The following FAAH2 variants were observed in gnomAD, a reference collection of about 807,000 sequenced individuals.
FAAH2 encodes the protein fatty-acid amide hydrolase 2.
Under a neutral mutation model 36.9 loss-of-function variants are expected in FAAH2, and 60 were observed. The ratio of observed to expected loss-of-function variants is 1.63; its 90% CI spans 1.32 to 2.02. The LOEUF is 2.02. Ranked by LOEUF, FAAH2 falls within the 30% of genes most tolerant of loss-of-function variation. The probability of loss-of-function intolerance (pLI) is 0.00; values close to 1 mark genes in which losing one functional copy is unlikely to be tolerated. For synonymous variants in FAAH2, 214 were observed against 143.8 expected (o/e 1.49, Z -3.49); for missense variants, 689 against 397.5 (o/e 1.73, Z -6.23).
intron 8 of FAAH2, among the ~76,000 whole-genome samples, chrX:57,445,994 C>T (rs1244297062): frequency 8.9e-6 from 1 of 112,576 alleles, no homozygotes; most frequent in African/African-American, 3.2e-5. Context: ...ACTGGAGTTC[C>T]TCCCACTGGA....
the FAAH2 span, among the ~76,000 whole-genome samples, chrX:57,188,968 C>A: frequency 2.7e-5 from 3 of 111,491 alleles, no homozygotes; most frequent in Non-Finnish European, 5.7e-5. Context: ...TGGATAATAT[C>A]CTGAAGTGTG....
rs764376648 is a variant in FAAH2, at chrX:57,393,902, A to G, written c.996+12873A>G. 1.1e-5 allele frequency: 12 copies of G among 1,045,949 alleles called. No individual in the cohort carries two copies. In the South Asian group the frequency reaches 1.9e-4, roughly 16 times the overall value. The allele number at this position is 1,045,949 out of a possible 1,213,427, so 86.2% of individuals were successfully genotyped here. A position where few individuals can be genotyped will look rare whatever the true frequency, so the allele number is the denominator to read the frequency against. ...AATGTCCAATCTTGCAAATCTGTTT[A>G]TCTCTTCATCTGTCAGTGTGGTAGA... On this transcript the variant is annotated intron_variant, in intron 7 of 10. Coordinates refer to ENST00000374900, the MANE Select transcript of FAAH2 (RefSeq NM_174912.4).
At chrX:57,150,795 C>A in the FAAH2 span, among the ~76,000 whole-genome samples, 1 of 111,619 alleles carries the variant, frequency 9.0e-6, no homozygotes, top group Admixed American at 9.5e-5. Flanking sequence ...GAATTTGATT[C>A]TGTCTTTATG....
chrX:57,330,274 G>T (rs906107788), intron 3 of FAAH2, among the ~76,000 whole-genome samples: 1 of 111,650 alleles, frequency 9.0e-6, no homozygotes, highest in Non-Finnish European at 1.9e-5. Flanking sequence ...TGCGCCCCAA[G>T]GGTGGGTCTC....
At chrX:57,480,757 G>C (rs1282278959) in intron 10 of FAAH2, among the ~76,000 whole-genome samples, 3 of 110,918 alleles carry the variant, frequency 2.7e-5, no homozygotes, top group Non-Finnish European at 5.7e-5. Flanking sequence ...GGTGTTTTCT[G>C]TATTTCCTGA....
chrX:57,185,352 C>T, the FAAH2 span, among the ~76,000 whole-genome samples: 8 of 111,045 alleles, frequency 7.2e-5, no homozygotes, highest in Non-Finnish European at 1.5e-4. Context: ...TCTTTCTGTG[C>T]CTGGTTTACT....
intron 7 of FAAH2, among the ~76,000 whole-genome samples, chrX:57,391,601 TA>T (rs2055167672): frequency 9.0e-6 from 1 of 111,024 alleles, no homozygotes; most frequent in Admixed American, 9.6e-5. Context: ...CTTCACTGTT[TA>T]TTTTTGTCAA....
chrX:57,300,065 T>C (rs1456301158), intron 2 of FAAH2, among the ~76,000 whole-genome samples: 3 of 111,637 alleles, frequency 2.7e-5, no homozygotes, highest in Admixed American at 9.5e-5. Context: ...CCATCCCCAT[T>C]AAGCTACAAA....
At chrX:57,445,637 T>G (rs965857517) in intron 8 of FAAH2, among the ~76,000 whole-genome samples, 1 of 111,779 alleles carries the variant, frequency 8.9e-6, no homozygotes, top group African/African-American at 3.2e-5. Flanking sequence ...CTAAGGCCTG[T>G]TATTGGGGAC....
intron 10 of FAAH2, among the ~76,000 whole-genome samples, chrX:57,451,924 T>G (rs1457968463): frequency 8.9e-6 from 1 of 112,899 alleles, no homozygotes; most frequent in African/African-American, 3.2e-5. Context: ...CCTATGCTAT[T>G]TCCTGATAAC....
chrX:57,169,699 A>T, the FAAH2 span, among the ~76,000 whole-genome samples: 3 of 101,182 alleles, frequency 3.0e-5, no homozygotes, highest in Non-Finnish European at 6.1e-5. Context: ...TGAGGTTCCC[A>T]GAAGAGGAAG....
chrX:57,466,154 C>A (rs61176271), intron 10 of FAAH2, among the ~76,000 whole-genome samples: 22,079 of 66,001 alleles, frequency 0.33, 3,184 homozygotes, highest in Non-Finnish European at 0.4. Flanking sequence ...CTCTCTCTCT[C>A]TCTATATATA....
intron 10 of FAAH2, among the ~76,000 whole-genome samples, chrX:57,462,158 T>C (rs1353572965): frequency 3.2e-5 from 1 of 30,783 alleles, no homozygotes; most frequent in Non-Finnish European, 5.5e-5. Context: ...CAGTAATTAA[T>C]AGCCTACAAA....
rs1185184939 is a variant in FAAH2, at chrX:57,489,168, AG to A, written c.*237del. The stretch of plus-strand genomic sequence containing the variant: ...GAAAATTAGGACATGTAAATGGATA[AG>A]TGCAATAAAGTTTCCTAAATGCTGG... On this transcript the variant is annotated 3_prime_UTR_variant, in exon 11 of 11. Transcript: ENST00000374900. 3.0e-6 allele frequency: 1 copy of A among 329,274 alleles called. No homozygotes were observed. Among genetic ancestry groups the A allele is most frequent in the Non-Finnish European group, 5.1e-6 (1 of 194,884 alleles). The allele number at this position is 329,274 out of a possible 1,213,427, so 27.1% of individuals were successfully genotyped here.
At chrX:57,145,370 G>A in the FAAH2 span, among the ~76,000 whole-genome samples, 3 of 110,552 alleles carry the variant, frequency 2.7e-5, no homozygotes, top group African/African-American at 9.9e-5. Context: ...TGAGAATTGT[G>A]TATTTATGTC....
At chrX:57,130,774 G>C in the FAAH2 span, among the ~76,000 whole-genome samples, 1 of 111,483 alleles carries the variant, frequency 9.0e-6, no homozygotes, top group Non-Finnish European at 1.9e-5. Flanking sequence ...TTAAACAAGC[G>C]AGCTCAGCAG....
chrX:57,124,604 A>G, the FAAH2 span, among the ~76,000 whole-genome samples: 1 of 111,592 alleles, frequency 9.0e-6, no homozygotes, highest in African/African-American at 3.3e-5. Flanking sequence ...CAGTATGGCC[A>G]TTTTCACGAT....
At chrX:57,335,457 G>T (rs1251618673) in intron 4 of FAAH2, among the ~76,000 whole-genome samples, 1 of 112,646 alleles carries the variant, frequency 8.9e-6, no homozygotes, top group Non-Finnish European at 1.9e-5. Context: ...AGAAAAAAGT[G>T]CTGTGCTTTT....
chrX:57,309,040 G>T (rs2052620327), intron 2 of FAAH2, among the ~76,000 whole-genome samples: 1 of 111,859 alleles, frequency 8.9e-6, no homozygotes, highest in South Asian at 3.7e-4. Context: ...TGAGCCCAAA[G>T]ATATTTTATT....
Sources: gnomAD v4.1 joint callset for allele counts (sites outside exome capture counted in the v4.1 genomes callset) on GRCh38, gnomAD v4.1.1 for gene constraint, MANE v1.5 for transcripts, NCBI Gene and HGNC (gene_info 2026-07-23, HGNC 2026-07-21) for gene names.